DPY19L3: variants seen among roughly 807,000 people sequenced by gnomAD.
The protein encoded by DPY19L3 is protein C-mannosyl-transferase DPY19L3.
DPY19L3 carries 51 observed loss-of-function variants against 92.3 expected under a neutral mutation model. That is an observed-to-expected ratio of 0.55 (90% CI 0.44 to 0.70). The LOEUF (loss-of-function observed/expected upper bound fraction) is 0.70. Ranked by LOEUF, DPY19L3 falls within the 30% of genes least tolerant of loss-of-function variation. DPY19L3 has a pLI of 0.00. For missense variants in DPY19L3, 706 were observed against 855.9 expected (o/e 0.82, Z 2.18); for synonymous variants, 309 against 315.2 (o/e 0.98, Z 0.21).
intron 3 of DPY19L3, among the ~76,000 whole-genome samples, chr19:32,427,322 A>G (rs937262768): frequency 6.6e-6 from 1 of 152,172 alleles, no homozygotes. Flanking sequence ...GAACATAAAC[A>G]TCTTTCGGTC....
chr19:32,451,475 C>T (rs1969696923), intron 8 of DPY19L3, among the ~76,000 whole-genome samples: 1 of 152,160 alleles, frequency 6.6e-6, no homozygotes, highest in East Asian at 1.9e-4. Flanking sequence ...CCCATTGACA[C>T]TAAGCAAAAG....
At chr19:32,474,849 A>G (rs1446365902) in intron 16 of DPY19L3, among the ~76,000 whole-genome samples, 2 of 152,188 alleles carry the variant, frequency 1.3e-5, no homozygotes, top group Non-Finnish European at 2.9e-5. Flanking sequence ...CTGGCCGTCC[A>G]AAGTGCTGGG....
rs1237623603 is a variant in DPY19L3, at chr19:32,447,775, A to AGATAGATAGATT, written c.856-5367_856-5366insAGATAGATTGAT. On this transcript the variant is annotated intron_variant, in intron 8 of 18. Transcript: ENST00000392250. ...TAGATAGATAGATAGATAGATAGAT[A>AGATAGATAGATT]GATTAGATAAGATACTCCATCTCAT... Among the ~76,000 whole-genome samples the AGATAGATAGATT allele has an allele frequency of 3.3e-3, 424 of 126,956 alleles. 1 individual carries two copies. Among genetic ancestry groups the AGATAGATAGATT allele is most frequent in the African/African-American group, 6.6e-3 (212 of 31,958 alleles). The allele number at this position is 126,956 out of a possible 152,430, so 83.3% of individuals were successfully genotyped here. A position where few individuals can be genotyped will look rare whatever the true frequency, so the allele number is the denominator to read the frequency against.
At position 32,482,453 on chromosome 19, in the gene DPY19L3, G is replaced by T. The variant is rs1410702507; in HGVS notation, c.*213G>T. The T allele has an allele frequency of 1.1e-5, 6 of 538,994 alleles. No individual in the cohort carries two copies. Among genetic ancestry groups the T allele is most frequent in the Non-Finnish European group, 1.9e-5 (6 of 311,796 alleles). 33.4% of individuals were successfully genotyped at this position (538,994 alleles called of 1,614,324 possible). A position where few individuals can be genotyped will look rare whatever the true frequency, so the allele number is the denominator to read the frequency against. ...TTGTGTGTCTATCTTTCTCATTAAT[G>T]TTCTTTAGCCTAAATGTTAACAACT... is the stretch of plus-strand genomic sequence containing the variant. On this transcript the variant is annotated 3_prime_UTR_variant, in exon 19 of 19. Transcript: ENST00000392250.
chr19:32,411,967 C>T (rs1213675490), intron 3 of DPY19L3: 4 of 152,310 alleles, frequency 2.6e-5, no homozygotes, highest in African/African-American at 7.2e-5. Context: ...GCCTCAACCT[C>T]CTGGGCTCAA....
chr19:32,446,650 A>G (rs1021240722), intron 8 of DPY19L3, among the ~76,000 whole-genome samples: 8 of 152,256 alleles, frequency 5.3e-5, no homozygotes, highest in African/African-American at 1.7e-4. Context: ...AAAACGTTCA[A>G]TGTACCAAGA....
chr19:32,479,204 C>T lies in DPY19L3; in HGVS notation c.1831-1195C>T, dbSNP rs149176032. On this transcript the variant is annotated intron_variant, in intron 17 of 18. Coordinates refer to ENST00000392250, the MANE Select transcript of DPY19L3 (RefSeq NM_001172774.2). ...TATAAGAATCATTTGAATTCAGACT[C>T]CTGCTAAAATAGGAATTTTTTGATG... 2.9e-3 allele frequency among the ~76,000 whole-genome samples: 446 copies of T among 152,196 alleles called. 2 individuals carry two copies. The highest frequency in any genetic ancestry group is 9.8e-3 in the African/African-American group (406 of 41,522).
chr19:32,463,620 C>T (rs1388967360), intron 13 of DPY19L3, 132 bp downstream of exon 13: 12 of 1,118,702 alleles, frequency 1.1e-5, no homozygotes, highest in African/African-American at 3.1e-5. Context: ...TATATCCTAT[C>T]TTCTCTCAGT....
intron 16 of DPY19L3, among the ~76,000 whole-genome samples, chr19:32,473,865 G>A (rs541403135): frequency 1.1e-4 from 16 of 152,246 alleles, no homozygotes; most frequent in South Asian, 4.1e-4. Context: ...GTGCAGTGGC[G>A]TGATCTCGGC....
chr19:32,414,603 AAAAG>A (rs949732589), intron 3 of DPY19L3, among the ~76,000 whole-genome samples: 5 of 152,250 alleles, frequency 3.3e-5, no homozygotes, highest in African/African-American at 1.2e-4. Flanking sequence ...CAAAAAAAAA[AAAAG>A]AAAGCTTGTA....
rs1968175477 is a variant in DPY19L3 at position 32,411,375 on chromosome 19, A to G, written c.237+3A>G. The G allele has an allele frequency of 2.5e-6, 4 of 1,614,080 alleles. No homozygotes were observed. The highest frequency in any genetic ancestry group is 3.4e-6 in the Non-Finnish European group (4 of 1,180,004). ...ATTTATGGTTTTCTAATATTAAGGT[A>G]TGGAGTTTCTTTGACCATTGTATCA... On this transcript the variant is annotated splice_donor_region_variant and intron_variant, in intron 3 of 18. Coordinates refer to ENST00000392250, the MANE Select transcript of DPY19L3 (RefSeq NM_001172774.2).
intron 10 of DPY19L3, among the ~76,000 whole-genome samples, chr19:32,456,816 T>C (rs1326383843): frequency 6.6e-6 from 1 of 152,050 alleles, no homozygotes; most frequent in Non-Finnish European, 1.5e-5. Context: ...AAATATCTCA[T>C]ATACTCCATA....
chr19:32,466,173 G>GTAA (rs1311866001), intron 15 of DPY19L3, among the ~76,000 whole-genome samples: 1 of 152,104 alleles, frequency 6.6e-6, no homozygotes, highest in African/African-American at 2.4e-5. Context: ...TGTTTTGTTC[G>GTAA]TAATAAAATT....
In DPY19L3 at chr19:32,485,753, A is replaced by C. The variant is rs1970780746; in HGVS notation, c.*3513A>C. ...TTCATGGAAAAAAGCTTTTGAGATG[A>C]GAGGGTGTCTTACTTTCTTGTGGCA... is the stretch of plus-strand genomic sequence containing the variant. On this transcript the variant is annotated 3_prime_UTR_variant, in exon 19 of 19. Coordinates refer to ENST00000392250, the MANE Select transcript of DPY19L3 (RefSeq NM_001172774.2). The C allele has an allele frequency of 6.6e-6, 1 of 152,236 alleles. No individual in the cohort carries two copies. Among genetic ancestry groups the C allele is most frequent in the Non-Finnish European group, 1.5e-5 (1 of 68,026 alleles). 9.4% of individuals were successfully genotyped at this position (152,236 alleles called of 1,614,324 possible).
At chr19:32,406,246 C>T (rs1206037148) in intron 1 of DPY19L3, 19 of 152,478 alleles carry the variant, frequency 1.2e-4, no homozygotes, top group Admixed American at 1.2e-3. Context: ...CCGGCTGCCC[C>T]TGTCCTTGGA....
At chr19:32,467,922 G>T (rs1009552055) in intron 15 of DPY19L3, 3 of 985,228 alleles carry the variant, frequency 3.0e-6, no homozygotes, top group Non-Finnish European at 3.6e-6. Flanking sequence ...AAGTTGACCA[G>T]GAGGCACCAA....
chr19:32,472,190 C>G (rs1970377661), intron 16 of DPY19L3, among the ~76,000 whole-genome samples: 1 of 152,180 alleles, frequency 6.6e-6, no homozygotes, highest in South Asian at 2.1e-4. Context: ...ATGTTTTATG[C>G]TTTCCTATCT....
chr19:32,467,215 G>T (rs1344616056), intron 15 of DPY19L3, among the ~76,000 whole-genome samples: 1 of 152,172 alleles, frequency 6.6e-6, no homozygotes, highest in Non-Finnish European at 1.5e-5. Context: ...CTTTCATATT[G>T]TTAAAGGAGT....
chr19:32,464,064 G>C, intron 14 of DPY19L3, 84 bp downstream of exon 14: 4 of 807,166 alleles, frequency 5.0e-6, no homozygotes, highest in Non-Finnish European at 3.9e-6. Context: ...TTCAGTAGCT[G>C]TGAGATAAAA....
Sources: gnomAD v4.1 joint callset for allele counts (sites outside exome capture counted in the v4.1 genomes callset) on GRCh38, gnomAD v4.1.1 for gene constraint, MANE v1.5 for transcripts, NCBI Gene and HGNC (gene_info 2026-07-23, HGNC 2026-07-21) for gene names.